PIPOX: variants seen among roughly 807,000 people sequenced by gnomAD.
PIPOX encodes the protein peroxisomal sarcosine oxidase.
PIPOX carries 45 observed loss-of-function variants against 47.9 expected under a neutral mutation model. The observed-to-expected ratio is 0.94, with a 90% CI of 0.74 to 1.20. PIPOX has a LOEUF of 1.20. Among genes scored for constraint, PIPOX ranks in the 50% most tolerant of loss-of-function variants. PIPOX has a pLI of 0.00. For missense variants in PIPOX, 458 were observed against 498.4 expected (o/e 0.92, Z 0.77); for synonymous variants, 165 against 191.3 (o/e 0.86, Z 1.13).
At chr17:29,054,406 T>A (rs1044872102) in intron 4 of PIPOX, 139 bp from the exon 5 acceptor site, 10 of 793,042 alleles carry the variant, frequency 1.3e-5, no homozygotes, top group Non-Finnish European at 1.7e-5. Context: ...ACATGAGAAG[T>A]GGGAGAGACA....
intron 5 of PIPOX, 25 bp from the exon 6 acceptor site, chr17:29,055,038 T>C: frequency 6.2e-7 from 1 of 1,613,832 alleles, no homozygotes; most frequent in Non-Finnish European, 8.5e-7. Flanking sequence ...CCCTCACCAC[T>C]CATGCCACTC....
chr17:29,047,997 C>T (rs959018377), intron 2 of PIPOX, among the ~76,000 whole-genome samples: 6 of 152,188 alleles, frequency 3.9e-5, no homozygotes, highest in African/African-American at 1.4e-4. Flanking sequence ...GCTTTAAAAA[C>T]CTCTAGAGTG....
rs754221286 is a variant in PIPOX, at chr17:29,056,171, C to T, written c.1043-4C>T. On this transcript the variant is annotated splice_polypyrimidine_tract_variant and splice_region_variant and intron_variant, in intron 7 of 7. Coordinates refer to ENST00000323372, the MANE Select transcript of PIPOX (RefSeq NM_016518.3). ...TGCCTGAGAGTCTGCTCTTCCCTTC[C>T]TAGGGCACGGGTTCAAGCTGGCCCC... 3.7e-6 allele frequency: 6 copies of T among 1,614,016 alleles called. No individual in the cohort carries two copies. In the South Asian group the frequency reaches 4.4e-5, roughly 12 times the overall value.
In PIPOX at chr17:29,044,849, C is replaced by G. The variant is rs755808779; in HGVS notation, c.115-10C>G. 1 of 1,605,814 alleles carries G rather than the reference C, an allele frequency of 6.2e-7. No individual in the cohort carries two copies. The highest frequency in any genetic ancestry group is 1.7e-5 in the Admixed American group (1 of 59,122). On this transcript the variant is annotated splice_polypyrimidine_tract_variant and intron_variant, in intron 1 of 7. Coordinates refer to ENST00000323372, the MANE Select transcript of PIPOX (RefSeq NM_016518.3). ...TGGCTTCCATCATCTCTCTTGTTTTCCACTTCCAGTTCTTTCTACCACACT... is the reference window on the plus strand; with the variant it reads ...TGGCTTCCATCATCTCTCTTGTTTTGCACTTCCAGTTCTTTCTACCACACT...
rs2152697947 is a variant in PIPOX, at chr17:29,043,148, T to C, written c.-78T>C. The C allele has an allele frequency of 1.7e-6, 2 of 1,151,432 alleles. No individual in the cohort carries two copies. The highest frequency in any genetic ancestry group is 2.5e-6 in the Non-Finnish European group (2 of 786,616). 71.3% of individuals were successfully genotyped at this position (1,151,432 alleles called of 1,614,324 possible). A position where few individuals can be genotyped will look rare whatever the true frequency, so the allele number is the denominator to read the frequency against. ...CTGGCCAGGCTGGACTTTGCCTTCCTCCTCGTCCTTTAGCCGGGAGCCTGT... is the reference window on the plus strand; with the variant it reads ...CTGGCCAGGCTGGACTTTGCCTTCCCCCTCGTCCTTTAGCCGGGAGCCTGT... On this transcript the variant is annotated 5_prime_UTR_variant, in exon 1 of 8. Transcript: ENST00000323372.
intron 4 of PIPOX, 69 bp from the exon 5 acceptor site, chr17:29,054,476 G>A: frequency 6.3e-7 from 1 of 1,581,758 alleles, no homozygotes; most frequent in Non-Finnish European, 8.7e-7. Context: ...GGGGCCCAGA[G>A]AAACTGCTTT....
At position 29,053,107 on chromosome 17, in the gene PIPOX, G is replaced by C; in HGVS notation, c.451G>C (p.Ala151Pro). 1.2e-6 allele frequency: 2 copies of C among 1,614,160 alleles called. No individual in the cohort carries two copies. The highest frequency in any genetic ancestry group is 2.7e-5 in the African/African-American group (2 of 75,044). ...GGACAATTCCGGAGGAGTTATCTAT[G>C]CATATAAGGCCCTCAGAGCCCTGCA... ...LLDNSGGVIY[A>P]YKALRALQDA... The change falls in exon 3 of 8, where the codon GCA becomes CCA. Residue 151 changes from alanine (A) to proline (P), a missense_variant. By Grantham distance (27) the Ala-to-Pro change is conservative (BLOSUM62 -1). Transcript: ENST00000323372.
chr17:29,052,357 A>C (rs2065809602), intron 2 of PIPOX, among the ~76,000 whole-genome samples: 1 of 152,350 alleles, frequency 6.6e-6, no homozygotes, highest in East Asian at 1.9e-4. Context: ...GGTCCTGAGA[A>C]GGGGCATAGA....
intron 2 of PIPOX, 114 bp downstream of exon 2, chr17:29,045,121 C>T: frequency 8.5e-7 from 1 of 1,180,652 alleles, no homozygotes; most frequent in Non-Finnish European, 1.2e-6. Flanking sequence ...GGACACAAGG[C>T]CTCAAGAAGT....
chr17:29,055,086 C>T lies in PIPOX; in HGVS notation c.831C>T (p.His277=), dbSNP rs760722206. ...LMKVSYHHGN[H]ADPEERDCPT... is the part of the protein sequence containing the mutation. Reference sequence around the variant, plus strand: ...AGGTCAGCTATCACCACGGCAACCACGCAGACCCTGAGGAGCGGGACTGCC... The same window carrying T: ...AGGTCAGCTATCACCACGGCAACCATGCAGACCCTGAGGAGCGGGACTGCC... Residue 277 remains histidine, a synonymous_variant, in exon 6 of 8, where the codon CAC becomes CAT. Transcript: ENST00000323372. The T allele has an allele frequency of 9.8e-5, 158 of 1,614,152 alleles. 1 individual carries two copies. In the South Asian group the frequency reaches 1.5e-3, roughly 15 times the overall value.
intron 2 of PIPOX, among the ~76,000 whole-genome samples, chr17:29,048,891 A>G (rs1364272070): frequency 1.3e-5 from 2 of 152,196 alleles, no homozygotes; most frequent in African/African-American, 4.8e-5. Context: ...CCCTTCCCCA[A>G]GGTGACTCAG....
chr17:29,055,191 G>C lies in PIPOX; in HGVS notation c.936G>C (p.Glu312Asp), dbSNP rs143112771. Residue 312 changes from glutamate to aspartate, a missense_variant, in exon 6 of 8, where the codon GAG becomes GAC. Coordinates refer to ENST00000323372, the MANE Select transcript of PIPOX (RefSeq NM_016518.3). ...VRDHLPDLKP[E>D]PAVIESCMYT... ...ATCACTTACCTGATCTGAAGCCCGA[G>C]CCTGCTGTCATTGAGAGCTGCATGT... is the stretch of plus-strand genomic sequence containing the variant. 7.8e-4 allele frequency: 1,257 copies of C among 1,614,202 alleles called. 9 individuals are homozygous for C. The African/African-American group carries it at 0.015, about 19-fold the overall frequency.
At chr17:29,054,929 C>T in intron 5 of PIPOX, 134 bp from the exon 6 acceptor site, 1 of 1,259,058 alleles carries the variant, frequency 7.9e-7, no homozygotes, top group Non-Finnish European at 1.1e-6. Context: ...CAGGTGACAG[C>T]CCACAGCACC....
intron 1 of PIPOX, among the ~76,000 whole-genome samples, chr17:29,044,649 G>C (rs2152698083): frequency 6.6e-6 from 1 of 152,232 alleles, no homozygotes; most frequent in Non-Finnish European, 1.5e-5. Context: ...TTAAATTTTT[G>C]AGAAGACTGG....
At chr17:29,056,036 G>T in intron 7 of PIPOX, 139 bp from the exon 8 acceptor site, 1 of 1,267,044 alleles carries the variant, frequency 7.9e-7, no homozygotes. Flanking sequence ...CAGAAAAGGG[G>T]TATTCATGGT....
At chr17:29,045,520 T>C (rs2065782473) in intron 2 of PIPOX, among the ~76,000 whole-genome samples, 1 of 150,494 alleles carries the variant, frequency 6.6e-6, no homozygotes, top group South Asian at 2.1e-4. Flanking sequence ...AAGTGATTCT[T>C]CTGCTTCAGC....
At position 29,056,192 on chromosome 17, in the gene PIPOX, GC is replaced by G; in HGVS notation, c.1064del (p.Pro355LeufsTer10). 1 of 1,614,134 alleles carries G rather than the reference GC, an allele frequency of 6.2e-7. No homozygotes were observed. Among genetic ancestry groups the G allele is most frequent in the Non-Finnish European group, 8.5e-7 (1 of 1,179,982 alleles). ...CTTCCTAGGGCACGGGTTCAAGCTG[GC>G]CCCTGTGGTGGGGAAGATCCTGTAT... ...AGFSGHGFKL[A>X]PVVGKILYEL... On this transcript the variant is annotated frameshift_variant, in exon 8 of 8. Coordinates refer to ENST00000323372, the MANE Select transcript of PIPOX (RefSeq NM_016518.3). LOFTEE classifies it high-confidence loss of function.
Position 29,056,284 on chromosome 17 carries a change from C to A in PIPOX, c.1152C>A (p.Ser384Arg), listed in dbSNP as rs761527840. 17 of 1,614,228 alleles carry A rather than the reference C, an allele frequency of 1.1e-5. No homozygotes were observed. The highest frequency in any genetic ancestry group is 1.4e-5 in the Non-Finnish European group (17 of 1,180,034). ...LAPFRISRFP[S>R]LGKAHL ...CTTTTCGAATCAGCCGTTTCCCAAG[C>A]CTGGGCAAAGCCCACCTTTGACCTC... Residue 384 changes from serine to arginine, a missense_variant, in exon 8 of 8, where the codon AGC becomes AGA. Transcript: ENST00000323372.
intron 2 of PIPOX, among the ~76,000 whole-genome samples, chr17:29,051,502 T>G (rs999093364): frequency 3.3e-5 from 5 of 152,178 alleles, no homozygotes; most frequent in Admixed American, 6.5e-5. Flanking sequence ...ACCTGGGGGA[T>G]GTACCAGGCC....
Sources: allele counts gnomAD v4.1 joint callset (sites outside exome capture counted in the v4.1 genomes callset), GRCh38; gene constraint gnomAD v4.1.1; transcripts MANE v1.5; gene names NCBI Gene and HGNC (gene_info 2026-07-23, HGNC 2026-07-21).